EFR3B: variants seen among roughly 807,000 people sequenced by gnomAD.
The protein encoded by EFR3B is protein EFR3 homolog B.
In EFR3B, 64 loss-of-function variants were observed where a neutral mutation model predicts 104.7. The observed-to-expected ratio is 0.61, with a 90% confidence interval of 0.50 to 0.75. The LOEUF (loss-of-function observed/expected upper bound fraction) is 0.75, where lower values mean the gene tolerates loss of function less well. EFR3B is among the 30% of genes least tolerant of loss of function. The pLI, the probability that EFR3B is intolerant of heterozygous loss-of-function variation, is 0.00. For synonymous variants in EFR3B, 385 were observed against 417.9 expected, an observed-to-expected ratio of 0.92 and a Z score of 0.96; for missense variants, 750 against 1,078.5, an observed-to-expected ratio of 0.70 and a Z score of 4.27.
intron 4 of EFR3B, among the ~76,000 whole-genome samples, chr2:25,104,376 A>G (rs926858742): frequency 4.6e-5 from 7 of 152,148 alleles, no homozygotes; most frequent in African/African-American, 1.7e-4. Flanking sequence ...AAAAACAAAC[A>G]AACAACAACA....
At chr2:25,112,053 C>A (rs1190111498) in intron 4 of EFR3B, among the ~76,000 whole-genome samples, 7 of 152,262 alleles carry the variant, frequency 4.6e-5, no homozygotes, top group Non-Finnish European at 8.8e-5. Context: ...TCTGTGGTCT[C>A]CTAGGCTCTG....
chr2:25,150,011 T>TAATC (rs1490606826), intron 20 of EFR3B, among the ~76,000 whole-genome samples: 2 of 152,050 alleles, frequency 1.3e-5, no homozygotes, highest in African/African-American at 2.4e-5. Flanking sequence ...CCTTTAAAAG[T>TAATC]AATCAGTTGG....
intron 1 of EFR3B, among the ~76,000 whole-genome samples, chr2:25,046,506 C>CTTTTTTTTT (rs531667109): frequency 2.9e-4 from 34 of 119,106 alleles, no homozygotes; most frequent in Non-Finnish European, 4.8e-4. Context: ...AGTACAAAGT[C>CTTTTTTTTT]TTTTTTTTTT....
intron 4 of EFR3B, among the ~76,000 whole-genome samples, chr2:25,110,644 G>C (rs1215870115): frequency 1.3e-5 from 2 of 152,056 alleles, no homozygotes; most frequent in Non-Finnish European, 2.9e-5. Context: ...CTAAACACAA[G>C]TTCAAGTCTC....
intron 3 of EFR3B, among the ~76,000 whole-genome samples, chr2:25,097,981 C>T (rs925523957): frequency 3.3e-5 from 5 of 152,166 alleles, no homozygotes; most frequent in South Asian, 4.1e-4. Context: ...TTGAGCTTCT[C>T]TAATCTGAGG....
Position 25,103,564 on chromosome 2 carries a change from C to T in EFR3B, c.213-73C>T. ...TGCATTGCCCAGGTCACCACACTGA[C>T]ACCTTGCATGCCCTGGTTGGGCCAT... On this transcript the variant is annotated intron_variant, in intron 3 of 22. Transcript: ENST00000403714. 3 of 1,505,220 alleles carry T rather than the reference C, an allele frequency of 2.0e-6. No individual in the cohort carries two copies. In the South Asian group the frequency reaches 3.9e-5, roughly 20 times the overall value. The allele number at this position is 1,505,220 out of a possible 1,614,324, so 93.2% of individuals were successfully genotyped here.
chr2:25,136,400 G>A lies in EFR3B; in HGVS notation c.1485-123G>A, dbSNP rs1670515921. 3 of 698,078 alleles carry A rather than the reference G, an allele frequency of 4.3e-6. No individual in the cohort carries two copies. Among genetic ancestry groups the A allele is most frequent in the African/African-American group, 1.8e-5 (1 of 55,572 alleles). The allele number at this position is 698,078 out of a possible 1,614,324, so 43.2% of individuals were successfully genotyped here. ...AAAAGGTAATCGGGCTGAGAACCAG[G>A]GCCAGGGGAGCACTGGAGGCTTTGT... On this transcript the variant is annotated intron_variant, in intron 13 of 22. Coordinates refer to ENST00000403714, the MANE Select transcript of EFR3B (RefSeq NM_014971.2). The surrounding 1 kb of genome is among the most constrained non-coding windows in gnomAD (Gnocchi z 4.0).
chr2:25,111,605 G>T (rs931101962), intron 4 of EFR3B, among the ~76,000 whole-genome samples: 5 of 152,210 alleles, frequency 3.3e-5, no homozygotes, highest in African/African-American at 4.8e-5. Flanking sequence ...TTGCAGATGT[G>T]ATCAAGTTAA....
chr2:25,130,731 C>G lies in EFR3B; in HGVS notation c.849+101C>G. 16 of 1,102,298 alleles carry G rather than the reference C, an allele frequency of 1.5e-5. No individual in the cohort carries two copies. Among genetic ancestry groups the G allele is most frequent in the Non-Finnish European group, 2.0e-5 (15 of 744,878 alleles). The allele number at this position is 1,102,298 out of a possible 1,614,324, so 68.3% of individuals were successfully genotyped here. ...AAGCCAGAAGTCCCCTGTGACTCCT[C>G]CGAAGCCCCCAGTTGCCGAAACCAG... On this transcript the variant is annotated intron_variant, in intron 8 of 22. Coordinates refer to ENST00000403714, the MANE Select transcript of EFR3B (RefSeq NM_014971.2). The surrounding 1 kb of genome is among the most constrained non-coding windows in gnomAD (Gnocchi z 4.6).
intron 1 of EFR3B, among the ~76,000 whole-genome samples, chr2:25,051,728 C>T (rs1226595029): frequency 2.3e-4 from 34 of 147,540 alleles, no homozygotes; most frequent in Admixed American, 8.0e-4. Context: ...CTCCGCTTCC[C>T]GGGTTCAAGT....
At chr2:25,096,954 A>G (rs1669297094) in intron 3 of EFR3B, among the ~76,000 whole-genome samples, 1 of 152,186 alleles carries the variant, frequency 6.6e-6, no homozygotes, top group African/African-American at 2.4e-5. Flanking sequence ...ATAAGAGCAA[A>G]TCTACTGTGC....
intron 1 of EFR3B, among the ~76,000 whole-genome samples, chr2:25,062,017 G>A (rs1164633233): frequency 6.6e-6 from 1 of 152,138 alleles, no homozygotes; most frequent in African/African-American, 2.4e-5. Flanking sequence ...GGCAGTGTAA[G>A]CAATGGTTTT....
chr2:25,109,076 A>G (rs1669647918), intron 4 of EFR3B, among the ~76,000 whole-genome samples: 1 of 152,192 alleles, frequency 6.6e-6, no homozygotes, highest in Non-Finnish European at 1.5e-5. Context: ...AGACAGTAAA[A>G]AGATAACCCA....
rs1671217710 is a variant in EFR3B, at chr2:25,157,901, T to C, written c.*3561T>C. ...CAGAAGAACTAGAAAAGTCCTCAGA[T>C]ACCCCCCTCTGTCCAGCCCCCTTTC... is the stretch of plus-strand genomic sequence containing the variant. On this transcript the variant is annotated 3_prime_UTR_variant, in exon 23 of 23. Coordinates refer to ENST00000403714, the MANE Select transcript of EFR3B (RefSeq NM_014971.2). 1 of 152,526 alleles carries C rather than the reference T, an allele frequency of 6.6e-6. No homozygotes were observed. The highest frequency in any genetic ancestry group is 2.4e-5 in the African/African-American group (1 of 41,436). 9.4% of individuals were successfully genotyped at this position (152,526 alleles called of 1,614,324 possible).
At position 25,131,795 on chromosome 2, in the gene EFR3B, G is replaced by A. The variant is rs1670343647; in HGVS notation, c.1031G>A (p.Arg344Gln). 2 of 1,546,428 alleles carry A rather than the reference G, an allele frequency of 1.3e-6. No homozygotes were observed. Among genetic ancestry groups the A allele is most frequent in the African/African-American group, 1.4e-5 (1 of 72,992 alleles). Residue 344 changes from arginine to glutamine, a missense_variant, in exon 10 of 23, where the codon CGG (arginine) becomes CAG (glutamine). Coordinates refer to ENST00000403714, the MANE Select transcript of EFR3B (RefSeq NM_014971.2). This position sits in a 1 kb window ranked among gnomAD's most constrained non-coding sequence, Gnocchi z 7.6. ...TTCAACACGCTGCTGAGGCAGCTGC[G>A]GCTCAGCATCGACTACGCGCTGACC... is the stretch of plus-strand genomic sequence containing the variant. The part of the protein sequence containing the change: ...EMFNTLLRQL[R>Q]LSIDYALTGS...
At chr2:25,096,761 G>A (rs1669289418) in intron 3 of EFR3B, among the ~76,000 whole-genome samples, 2 of 152,168 alleles carry the variant, frequency 1.3e-5, no homozygotes, top group South Asian at 4.2e-4. Flanking sequence ...CTCCTGGCAG[G>A]AGAAGACGGA....
intron 1 of EFR3B, among the ~76,000 whole-genome samples, chr2:25,087,687 G>T (rs1668994794): frequency 6.6e-6 from 1 of 152,064 alleles, no homozygotes; most frequent in South Asian, 2.1e-4. Context: ...TGGCCAGGCT[G>T]GTCTCGAACT....
chr2:25,071,612 T>C (rs1275786392), intron 1 of EFR3B, among the ~76,000 whole-genome samples: 1 of 152,214 alleles, frequency 6.6e-6, no homozygotes, highest in Non-Finnish European at 1.5e-5. Flanking sequence ...ATCGTAACTT[T>C]CATAGTTTTG....
chr2:25,093,214 G>A (rs964262713), intron 3 of EFR3B, 84 bp downstream of exon 3: 14 of 1,492,060 alleles, frequency 9.4e-6, no homozygotes, highest in African/African-American at 7.0e-5. Flanking sequence ...GAAAATGATG[G>A]CCAGGCAGAG....
Sources: gnomAD v4.1 joint callset for allele counts (sites outside exome capture counted in the v4.1 genomes callset) on GRCh38, gnomAD v4.1.1 for gene constraint, Gnocchi (gnomAD v3.1) non-coding constraint, MANE v1.5 for transcripts, NCBI Gene and HGNC (gene_info 2026-07-23, HGNC 2026-07-21) for gene names.